PRP4K: variants seen among roughly 807,000 people sequenced by gnomAD.
The protein encoded by PRP4K is pre-mRNA processing factor kinase PRP4K.
chr6:4,047,945 CAG>C, the PRP4K span, among the ~76,000 whole-genome samples: 8 of 136,078 alleles, frequency 5.9e-5, no homozygotes, highest in African/African-American at 1.8e-4. Context: ...CACACACACA[CAG>C]AGCAATAGGA....
At chr6:4,031,783 A>G in the PRP4K span, 1 of 1,610,378 alleles carries the variant, frequency 6.2e-7, no homozygotes, top group Non-Finnish European at 8.5e-7. Context: ...GCTTCTGATA[A>G]AGAGGGTATG....
the PRP4K span, among the ~76,000 whole-genome samples, chr6:4,042,789 A>C: frequency 6.6e-6 from 1 of 152,186 alleles, no homozygotes; most frequent in Non-Finnish European, 1.5e-5. Context: ...TATACATAGA[A>C]TTCTGATGTA....
At chr6:4,026,112 C>T in the PRP4K span, among the ~76,000 whole-genome samples, 1 of 152,162 alleles carries the variant, frequency 6.6e-6, no homozygotes, top group Non-Finnish European at 1.5e-5. Flanking sequence ...AGCAGTTCTC[C>T]TGCCTCAGCC....
the PRP4K span, chr6:4,032,741 A>T: frequency 1.9e-6 from 3 of 1,570,640 alleles, no homozygotes; most frequent in Non-Finnish European, 2.6e-6. Flanking sequence ...AGAGGAGACG[A>T]CTTTCTTCTC....
the PRP4K span, among the ~76,000 whole-genome samples, chr6:4,027,592 C>CG: frequency 0.02 from 161 of 7,862 alleles, 3 homozygotes; most frequent in African/African-American, 0.044. Flanking sequence ...GCTTATTTGG[C>CG]GGAGGGGTGG....
At chr6:4,025,464 G>A in the PRP4K span, among the ~76,000 whole-genome samples, 1 of 152,190 alleles carries the variant, frequency 6.6e-6, no homozygotes, top group Admixed American at 6.5e-5. Flanking sequence ...GATGAGTTGA[G>A]ACTGGTAAAG....
the PRP4K span, among the ~76,000 whole-genome samples, chr6:4,056,152 T>A: frequency 6.6e-6 from 1 of 152,224 alleles, no homozygotes; most frequent in Non-Finnish European, 1.5e-5. Context: ...CATATTAACT[T>A]TTCATAGTTA....
At chr6:4,045,389 C>T in the PRP4K span, among the ~76,000 whole-genome samples, 1 of 152,154 alleles carries the variant, frequency 6.6e-6, no homozygotes, top group African/African-American at 2.4e-5. Flanking sequence ...TTATCTTGTG[C>T]ATGTCCTGCC....
chr6:4,040,031 G>A, the PRP4K span, among the ~76,000 whole-genome samples: 9 of 151,628 alleles, frequency 5.9e-5, no homozygotes, highest in East Asian at 1.9e-4. Context: ...CTATAGGCAC[G>A]CACCACCACA....
At chr6:4,037,684 G>C in the PRP4K span, 16 of 976,876 alleles carry the variant, frequency 1.6e-5, no homozygotes, top group Admixed American at 5.4e-4. Flanking sequence ...TCGTAGTTGT[G>C]TTCCCATAGT....
chr6:4,052,154 C>T, the PRP4K span: 3 of 1,455,796 alleles, frequency 2.1e-6, no homozygotes, highest in East Asian at 2.4e-5. Flanking sequence ...TTTACGATCT[C>T]ATTTTGGATA....
At chr6:4,043,387 G>A in the PRP4K span, among the ~76,000 whole-genome samples, 6 of 152,170 alleles carry the variant, frequency 3.9e-5, no homozygotes. Context: ...CAACCCTTGG[G>A]GCCATATGTG....
At chr6:4,054,682 T>A in the PRP4K span, among the ~76,000 whole-genome samples, 1 of 152,108 alleles carries the variant, frequency 6.6e-6, no homozygotes, top group East Asian at 1.9e-4. Context: ...AATTTTTGTA[T>A]TTTAGTAGAG....
chr6:4,041,740 C>T, the PRP4K span, among the ~76,000 whole-genome samples: 1 of 151,984 alleles, frequency 6.6e-6, no homozygotes, highest in Non-Finnish European at 1.5e-5. Context: ...CAGGATAACC[C>T]CCCACACACA....
At chr6:4,046,316 A>G in the PRP4K span, among the ~76,000 whole-genome samples, 1 of 152,328 alleles carries the variant, frequency 6.6e-6, no homozygotes, top group East Asian at 1.9e-4. Context: ...TTGGATGTTT[A>G]GCTAGTATCA....
At chr6:4,032,395 G>T in the PRP4K span, 1 of 1,614,094 alleles carries the variant, frequency 6.2e-7, no homozygotes, top group Non-Finnish European at 8.5e-7. Flanking sequence ...AAAAAATCCA[G>T]ATCCCCAGTT....
chr6:4,060,728 G>A, the PRP4K span: 32 of 980,542 alleles, frequency 3.3e-5, no homozygotes, highest in South Asian at 3.6e-5. The surrounding 1 kb of genome is among the most constrained non-coding windows in gnomAD (Gnocchi z 4.7). Flanking sequence ...ATTTGAGGAA[G>A]CATGATATAT....
the PRP4K span, among the ~76,000 whole-genome samples, chr6:4,033,941 A>T: frequency 6.6e-6 from 1 of 152,052 alleles, no homozygotes; most frequent in Non-Finnish European, 1.5e-5. Flanking sequence ...GCTTTGTTTG[A>T]AGAGCAAATT....
chr6:4,057,397 A>C, the PRP4K span, among the ~76,000 whole-genome samples: 1 of 152,234 alleles, frequency 6.6e-6, no homozygotes, highest in Non-Finnish European at 1.5e-5. Flanking sequence ...GAACTTGTTC[A>C]ATGATGGACA....
Sources: allele counts gnomAD v4.1 joint callset (sites outside exome capture counted in the v4.1 genomes callset), GRCh38; gene constraint gnomAD v4.1.1; non-coding constraint Gnocchi (gnomAD v3.1); transcripts MANE v1.5; gene names NCBI Gene and HGNC (gene_info 2026-07-23, HGNC 2026-07-21).